The following FAM124A variants were observed in gnomAD, a reference collection of about 807,000 sequenced individuals.
FAM124A encodes the protein protein FAM124A.
Under a neutral mutation model 24.5 loss-of-function variants are expected in FAM124A, and 23 were observed. The ratio of observed to expected loss-of-function variants is 0.94; its 90% CI spans 0.68 to 1.33. The LOEUF is 1.33. Ranked by LOEUF, FAM124A falls within the 40% of genes most tolerant of loss-of-function variation. The pLI is 0.00. For missense variants in FAM124A, 623 were observed against 722.8 expected (o/e 0.86, Z 1.58); for synonymous variants, 287 against 314.7 (o/e 0.91, Z 0.93).
chr13:51,241,865 C>T (rs1954499534), intron 2 of FAM124A, among the ~76,000 whole-genome samples: 1 of 152,134 alleles, frequency 6.6e-6, no homozygotes, highest in African/African-American at 2.4e-5. Flanking sequence ...GTTTTATAAG[C>T]ACATATGCAG....
rs369878990 is a variant in FAM124A, at chr13:51,280,552, C to T, written c.937C>T (p.His313Tyr). The change falls in exon 4 of 4, where the codon CAT becomes TAT. Residue 313 changes from histidine to tyrosine, a missense_variant. His to Tyr is a moderately conservative substitution (Grantham distance 83). Transcript: ENST00000322475. Reference sequence around the variant, plus strand: ...TTTGCCGAGCACTGCTGTACCAAGCCATACACCTGGCAGCAGCCAGCAGTC... The same window carrying T: ...TTTGCCGAGCACTGCTGTACCAAGCTATACACCTGGCAGCAGCCAGCAGTC... ...TPLPSTAVPS[H>Y]TPGSSQQSPL... is the part of the protein sequence containing the mutation. 6.2e-7 allele frequency: 1 copy of T among 1,614,090 alleles called. No homozygotes were observed. The highest frequency in any genetic ancestry group is 8.5e-7 in the Non-Finnish European group (1 of 1,180,022).
intron 1 of FAM124A, among the ~76,000 whole-genome samples, chr13:51,223,468 C>A (rs543988903): frequency 7.9e-5 from 12 of 152,028 alleles, no homozygotes; most frequent in Non-Finnish European, 1.8e-4. Context: ...TGGGGGAGGG[C>A]GGGAGCTGCC....
intron 3 of FAM124A, among the ~76,000 whole-genome samples, chr13:51,254,437 G>C (rs769744210): frequency 2.0e-5 from 3 of 152,038 alleles, no homozygotes; most frequent in Non-Finnish European, 4.4e-5. Context: ...TAAGAATTTG[G>C]AAATGTTTTT....
intron 3 of FAM124A, 198 bp downstream of exon 3, chr13:51,252,399 G>A: frequency 1.5e-6 from 1 of 683,592 alleles, no homozygotes; most frequent in Non-Finnish European, 2.4e-6. Flanking sequence ...CTTCCCATTG[G>A]TTCTCTTCAT....
Position 51,252,146 on chromosome 13 carries a change from T to C in FAM124A, c.779T>C (p.Ile260Thr), listed in dbSNP as rs1270293064. Residue 260 changes from isoleucine to threonine, a missense_variant, in exon 3 of 4, where the codon ATC (isoleucine) becomes ACC (threonine). Physicochemically the swap from Ile to Thr is moderately conservative, Grantham distance 89. Transcript: ENST00000322475. ...CTCCTGCCCAACCCTTGCAGCCCCA[T>C]CAGCGAGGGGCGCTGGCAGACGGAG... ...VPLLPNPCSP[I>T]SEGRWQTEDH... The C allele has an allele frequency of 6.2e-7, 1 of 1,613,714 alleles. No individual in the cohort carries two copies. The highest frequency in any genetic ancestry group is 1.6e-4 in the Middle Eastern group (1 of 6,084).
chr13:51,271,848 C>G (rs1281042234), intron 3 of FAM124A, among the ~76,000 whole-genome samples: 1 of 152,130 alleles, frequency 6.6e-6, no homozygotes, highest in Non-Finnish European at 1.5e-5. Context: ...CAGCTGCAGT[C>G]TGGGCAGTAA....
At chr13:51,222,598 G>T (rs1954272282) in intron 1 of FAM124A, 29 bp downstream of exon 1, 15 of 1,218,044 alleles carry the variant, frequency 1.2e-5, no homozygotes, top group Non-Finnish European at 1.4e-5. Flanking sequence ...GGCCGCGGGC[G>T]GGGGGCGCTC....
intron 1 of FAM124A, among the ~76,000 whole-genome samples, chr13:51,222,862 A>G (rs1291603565): frequency 1.3e-5 from 2 of 152,208 alleles, no homozygotes; most frequent in Non-Finnish European, 2.9e-5. Flanking sequence ...CGCTAGAGAC[A>G]GGAGATGCTC....
intron 3 of FAM124A, among the ~76,000 whole-genome samples, chr13:51,254,915 A>T (rs1434569668): frequency 6.6e-6 from 1 of 152,202 alleles, no homozygotes; most frequent in Non-Finnish European, 1.5e-5. Flanking sequence ...GTGAATTTTC[A>T]CAAATTTAAC....
chr13:51,277,884 G>A (rs74087442), intron 3 of FAM124A, among the ~76,000 whole-genome samples: 6,566 of 152,220 alleles, frequency 0.043, 483 homozygotes, highest in African/African-American at 0.15. Flanking sequence ...TCAGTGGTCC[G>A]CCGCAGACCC....
intron 3 of FAM124A, among the ~76,000 whole-genome samples, chr13:51,275,532 A>G (rs1005544505): frequency 6.6e-6 from 1 of 152,240 alleles, no homozygotes; most frequent in Non-Finnish European, 1.5e-5. Context: ...TTTGCAATGC[A>G]TATATCTAAG....
chr13:51,231,455 T>TACAC, intron 2 of FAM124A, 76 bp downstream of exon 2: 1 of 1,455,772 alleles, frequency 6.9e-7, no homozygotes. Flanking sequence ...GCCATGTGTG[T>TACAC]ACATGGTTTT....
At chr13:51,261,956 C>A (rs1593605181) in intron 3 of FAM124A, among the ~76,000 whole-genome samples, 1 of 152,354 alleles carries the variant, frequency 6.6e-6, no homozygotes, top group South Asian at 2.1e-4. Context: ...ACCAGAGGGT[C>A]CCTGTGCCCC....
intron 1 of FAM124A, among the ~76,000 whole-genome samples, chr13:51,228,222 GTAT>G (rs942780864): frequency 1.6e-4 from 25 of 152,064 alleles, no homozygotes; most frequent in Admixed American, 4.6e-4. Flanking sequence ...TATATATGTA[GTAT>G]TCTGTATATA....
Position 51,280,788 on chromosome 13 carries a change from G to T in FAM124A, c.1173G>T (p.Arg391Ser). ...WFSNTGAPGH[R>S]ASEWRHGHLL... ...CAAACACAGGTGCCCCAGGGCACAG[G>T]GCATCAGAGTGGAGGCATGGCCACC... Residue 391 changes from arginine (R) to serine (S), a missense_variant, in exon 4 of 4, where the codon AGG becomes AGT. Arg to Ser is a moderately radical substitution (Grantham distance 110). Transcript: ENST00000322475. 6.2e-7 allele frequency: 1 copy of T among 1,614,172 alleles called. No individual in the cohort carries two copies.
chr13:51,259,723 C>T (rs564800260), intron 3 of FAM124A, among the ~76,000 whole-genome samples: 51 of 152,324 alleles, frequency 3.3e-4, no homozygotes, highest in Non-Finnish European at 6.3e-4. Context: ...AAGCTGCCAG[C>T]GCACGGCAGC....
At chr13:51,250,033 G>C (rs1954602165) in intron 2 of FAM124A, among the ~76,000 whole-genome samples, 1 of 152,232 alleles carries the variant, frequency 6.6e-6, no homozygotes, top group African/African-American at 2.4e-5. Flanking sequence ...GAATAAGAGA[G>C]AAGACAGCAA....
intron 1 of FAM124A, among the ~76,000 whole-genome samples, chr13:51,227,965 A>G (rs9568556): frequency 0.46 from 69,529 of 152,048 alleles, 16,681 homozygotes; most frequent in African/African-American, 0.6. Context: ...TTTTAAAAAG[A>G]TGAAAGGGGA....
chr13:51,256,874 A>G (rs1305033943), intron 3 of FAM124A, among the ~76,000 whole-genome samples: 2 of 152,162 alleles, frequency 1.3e-5, no homozygotes, highest in Non-Finnish European at 2.9e-5. Flanking sequence ...GGCAACCTCC[A>G]TTCTACTATC....
Sources: allele counts gnomAD v4.1 joint callset (sites outside exome capture counted in the v4.1 genomes callset), GRCh38; gene constraint gnomAD v4.1.1; transcripts MANE v1.5; gene names NCBI Gene and HGNC (gene_info 2026-07-23, HGNC 2026-07-21).